The following TET3 variants were observed in gnomAD, a reference collection of about 807,000 sequenced individuals.
The protein encoded by TET3 is tet methylcytosine dioxygenase 3, also known as methylcytosine dioxygenase TET3.
Under a neutral mutation model 141.4 loss-of-function variants are expected in TET3, and 19 were observed. The ratio of observed to expected loss-of-function variants is 0.13; its 90% CI spans 0.09 to 0.20. TET3 has a LOEUF of 0.20. Among genes scored for constraint, TET3 ranks in the 10% least tolerant of loss-of-function variants. The pLI, the probability that TET3 is intolerant of heterozygous loss-of-function variation, is 1.00. For synonymous variants in TET3, 1,043 were observed against 980.9 expected, an observed-to-expected ratio of 1.06 and a Z score of -1.18; for missense variants, 1,874 against 2,356.9, an observed-to-expected ratio of 0.80 and a Z score of 4.24.
At chr2:74,123,561 G>A in the TET3 span, among the ~76,000 whole-genome samples, 1 of 152,156 alleles carries the variant, frequency 6.6e-6, no homozygotes, top group African/African-American at 2.4e-5. Context: ...AGAGGAGTGG[G>A]AAATCAGGAA....
In TET3 at chr2:74,101,164, T is replaced by G; in HGVS notation, c.4376T>G (p.Phe1459Cys). The change falls in exon 12 of 12, where the codon TTC becomes TGC. Residue 1459 changes from phenylalanine to cysteine, a missense_variant. Phe to Cys is a radical substitution (Grantham distance 205, BLOSUM62 -2). Coordinates refer to ENST00000409262, the MANE Select transcript of TET3 (RefSeq NM_001287491.2). This position sits in a 1 kb window ranked among gnomAD's most constrained non-coding sequence, Gnocchi z 8.5. Reference sequence around the variant, plus strand: ...GGTGTGGGTGGCAGCTGGGGTGTGTTCTCGTCTGGGGAGAGTCCTGCCATC... The same window carrying G: ...GGTGTGGGTGGCAGCTGGGGTGTGTGCTCGTCTGGGGAGAGTCCTGCCATC... ...TNGVGGSWGVFSSGESPAIVP... is the reference protein window; with the variant it reads ...TNGVGGSWGVCSSGESPAIVP... 1 of 1,613,732 alleles carries G rather than the reference T, an allele frequency of 6.2e-7. No homozygotes were observed. Among genetic ancestry groups the G allele is most frequent in the South Asian group, 1.1e-5 (1 of 91,036 alleles).
At chr2:74,059,760 C>A (rs1423980563) in intron 4 of TET3, among the ~76,000 whole-genome samples, 17 of 150,872 alleles carry the variant, frequency 1.1e-4, no homozygotes, top group Non-Finnish European at 3.0e-5. Flanking sequence ...GTTGCCCAGG[C>A]TAGTCTCCCA....
the TET3 span, among the ~76,000 whole-genome samples, chr2:74,115,421 G>A: frequency 7.2e-5 from 11 of 152,150 alleles, no homozygotes; most frequent in East Asian, 3.8e-4. Flanking sequence ...ACCAAGAAGC[G>A]GGGAGGATGG....
chr2:74,123,390 G>A, the TET3 span, among the ~76,000 whole-genome samples: 156 of 151,610 alleles, frequency 1.0e-3, no homozygotes, highest in African/African-American at 3.3e-3. Flanking sequence ...AGGCCAAGGC[G>A]GGCGGATCAC....
chr2:74,032,491 G>GCGCGCGCGCGCGCGATGGCCCCAGCGGC (rs1558730175), intron 3 of TET3, among the ~76,000 whole-genome samples: 3 of 150,868 alleles, frequency 2.0e-5, no homozygotes, highest in Non-Finnish European at 3.0e-5. Flanking sequence ...GTGTGTGTGT[G>GCGCGCGCGCGCGCGATGGCCCCAGCGGC]TGTGTGTGTG....
chr2:74,070,132 C>A (rs111966215), intron 4 of TET3, among the ~76,000 whole-genome samples: 16 of 152,286 alleles, frequency 1.1e-4, no homozygotes, highest in African/African-American at 3.6e-4. Flanking sequence ...TATTGAATAT[C>A]ATTTAAATGG....
chr2:74,072,657 C>T (rs1023820011), intron 4 of TET3, among the ~76,000 whole-genome samples: 2 of 152,128 alleles, frequency 1.3e-5, no homozygotes, highest in Non-Finnish European at 2.9e-5. Context: ...GCATTAATTA[C>T]ATTCACAATA....
At chr2:74,126,415 A>C in the TET3 span, among the ~76,000 whole-genome samples, 2 of 152,140 alleles carry the variant, frequency 1.3e-5, no homozygotes, top group African/African-American at 2.4e-5. Flanking sequence ...GGCAGTAGCT[A>C]CACTCATACA....
At chr2:74,097,636 G>C (rs1345643898) in intron 10 of TET3, among the ~76,000 whole-genome samples, 2 of 152,160 alleles carry the variant, frequency 1.3e-5, no homozygotes, top group Non-Finnish European at 2.9e-5. Flanking sequence ...TCTTTAGTGG[G>C]GTTTTGCAGG....
At position 74,087,913 on chromosome 2, in the gene TET3, C is replaced by T. The variant is rs1174620393; in HGVS notation, c.2763C>T (p.Ile921=). The change falls in exon 7 of 12, where the codon ATC becomes ATT. Residue 921 remains isoleucine (I), a synonymous_variant. Coordinates refer to ENST00000409262, the MANE Select transcript of TET3 (RefSeq NM_001287491.2). This position sits in a 1 kb window ranked among gnomAD's most constrained non-coding sequence, Gnocchi z 4.3. ...RAGHHCQNAV[I]VILILAWEGI... ...GCCACCACTGCCAGAACGCTGTGAT[C>T]GTCATCCTCATCCTGGCCTGGGAGG... is the stretch of plus-strand genomic sequence containing the variant. 3.2e-6 allele frequency: 5 copies of T among 1,552,120 alleles called. No individual in the cohort carries two copies. The South Asian group carries it at 3.6e-5, about 11-fold the overall frequency.
chr2:73,994,249 A>G (rs1476672884), intron 2 of TET3, among the ~76,000 whole-genome samples: 2 of 152,212 alleles, frequency 1.3e-5, no homozygotes, highest in African/African-American at 4.8e-5. Flanking sequence ...CATGCAGGAC[A>G]GTTGAAGGAA....
At chr2:74,128,170 A>G in the TET3 span, among the ~76,000 whole-genome samples, 3 of 152,180 alleles carry the variant, frequency 2.0e-5, no homozygotes, top group Middle Eastern at 3.2e-3. Context: ...CCTGATGTCC[A>G]TAACTCAAGG....
rs1240402164 is a variant in TET3 at position 73,986,361 on chromosome 2, G to A, written c.-43G>A. On this transcript the variant is annotated 5_prime_UTR_variant, in exon 2 of 12. In the 5' UTR this introduces an upstream ATG that the reference lacks. Coordinates refer to ENST00000409262, the MANE Select transcript of TET3 (RefSeq NM_001287491.2). ...CCTTTGGAGGTGGCAGGAAACGACT[G>A]TGGTTCTGCCCCAGCACCTATGACC... 1.6e-6 allele frequency: 2 copies of A among 1,231,532 alleles called. No individual in the cohort carries two copies. Among genetic ancestry groups the A allele is most frequent in the African/African-American group, 3.1e-5 (2 of 64,416 alleles). The allele number at this position is 1,231,532 out of a possible 1,614,324, so 76.3% of individuals were successfully genotyped here.
intron 3 of TET3, among the ~76,000 whole-genome samples, chr2:74,039,513 T>G (rs1324463708): frequency 1.3e-5 from 2 of 152,188 alleles, no homozygotes; most frequent in Non-Finnish European, 2.9e-5. Flanking sequence ...CTGAAATACA[T>G]AGTCTGGTCT....
intron 3 of TET3, among the ~76,000 whole-genome samples, chr2:74,007,089 C>CA (rs1452611958): frequency 6.6e-6 from 1 of 152,158 alleles, no homozygotes; most frequent in Non-Finnish European, 1.5e-5. Context: ...ATTTGATTCT[C>CA]ACAAAACCAT....
chr2:74,067,155 C>T (rs4338985), intron 4 of TET3, among the ~76,000 whole-genome samples: 9,665 of 152,074 alleles, frequency 0.064, 606 homozygotes, highest in African/African-American at 0.16. Context: ...TCTTCACATG[C>T]ATCCTTCTGT....
At chr2:73,991,774 C>A (rs566164632) in intron 2 of TET3, among the ~76,000 whole-genome samples, 1 of 132,000 alleles carries the variant, frequency 7.6e-6, no homozygotes, top group African/African-American at 3.0e-5. Flanking sequence ...CATTGCACTC[C>A]AACCTGGGCA....
intron 11 of TET3, among the ~76,000 whole-genome samples, 187 bp downstream of exon 11, chr2:74,099,799 C>T (rs543638859): frequency 6.6e-6 from 1 of 152,282 alleles, no homozygotes; most frequent in South Asian, 2.1e-4. Flanking sequence ...TACAGCAGGA[C>T]TTGTTATCTG....
At chr2:74,065,419 C>T (rs1688825969) in intron 4 of TET3, among the ~76,000 whole-genome samples, 1 of 152,206 alleles carries the variant, frequency 6.6e-6, no homozygotes, top group Non-Finnish European at 1.5e-5. Context: ...GGTCTTTGGA[C>T]ATACCTCACC....
Sources: gnomAD v4.1 joint callset for allele counts (sites outside exome capture counted in the v4.1 genomes callset) on GRCh38, gnomAD v4.1.1 for gene constraint, Gnocchi (gnomAD v3.1) non-coding constraint, MANE v1.5 for transcripts, NCBI Gene and HGNC (gene_info 2026-07-23, HGNC 2026-07-21) for gene names.